CYYR1: variants seen among roughly 807,000 people sequenced by gnomAD.
The protein encoded by CYYR1 is cysteine and tyrosine rich 1, also known as cysteine and tyrosine-rich protein 1.
In CYYR1, 14 loss-of-function variants were observed where a neutral mutation model predicts 15.2. The observed-to-expected ratio is 0.92, with a 90% CI of 0.61 to 1.44. CYYR1 has a LOEUF of 1.44. Ranked by LOEUF, CYYR1 falls within the 40% of genes most tolerant of loss-of-function variation. The probability of loss-of-function intolerance (pLI) is 0.00; values close to 1 mark genes in which losing one functional copy is unlikely to be tolerated. For missense variants in CYYR1, 228 were observed against 209.5 expected, an observed-to-expected ratio of 1.09 and a Z score of -0.54; for synonymous variants, 80 against 77.4, an observed-to-expected ratio of 1.03 and a Z score of -0.18.
intron 2 of CYYR1, among the ~76,000 whole-genome samples, chr21:26,489,884 A>G (rs1209285423): frequency 6.6e-6 from 1 of 152,192 alleles, no homozygotes; most frequent in Non-Finnish European, 1.5e-5. Context: ...CCTTTACATG[A>G]GGGAGAAACA....
intron 2 of CYYR1, among the ~76,000 whole-genome samples, chr21:26,505,451 C>G (rs1339717283): frequency 2.0e-5 from 3 of 152,184 alleles, no homozygotes; most frequent in African/African-American, 7.2e-5. Flanking sequence ...CCACATTTCA[C>G]AGTGTGACTG....
At chr21:26,549,658 A>G (rs1160287681) in intron 2 of CYYR1, among the ~76,000 whole-genome samples, 1 of 152,128 alleles carries the variant, frequency 6.6e-6, no homozygotes, top group Non-Finnish European at 1.5e-5. Flanking sequence ...AAAAGTGTAG[A>G]GTGTGGGCCA....
chr21:26,491,855 A>G (rs1366909078), intron 2 of CYYR1, among the ~76,000 whole-genome samples: 2 of 152,114 alleles, frequency 1.3e-5, no homozygotes, highest in African/African-American at 4.8e-5. Context: ...GCAAGTTCCC[A>G]TTCTCTGTTG....
At chr21:26,547,973 C>A (rs1468432369) in intron 2 of CYYR1, among the ~76,000 whole-genome samples, 1 of 152,162 alleles carries the variant, frequency 6.6e-6, no homozygotes, top group Non-Finnish European at 1.5e-5. Flanking sequence ...AGTATTAATT[C>A]ATTTAAACCT....
At chr21:26,562,727 AACACACACAC>A (rs58990363) in intron 2 of CYYR1, among the ~76,000 whole-genome samples, 6 of 131,700 alleles carry the variant, frequency 4.6e-5, no homozygotes, top group East Asian at 4.8e-4. Context: ...TCTCCTCCTA[AACACACACAC>A]ACACACACAC....
intron 2 of CYYR1, among the ~76,000 whole-genome samples, chr21:26,544,528 A>T (rs1469957940): frequency 6.6e-6 from 1 of 152,194 alleles, no homozygotes; most frequent in Non-Finnish European, 1.5e-5. Flanking sequence ...CTACCATAAG[A>T]ATGCCGTGTT....
intron 2 of CYYR1, among the ~76,000 whole-genome samples, chr21:26,497,791 C>T (rs2065427877): frequency 6.6e-6 from 1 of 151,900 alleles, no homozygotes; most frequent in Non-Finnish European, 1.5e-5. Context: ...GAATCAAAGC[C>T]CCTCTGTTAT....
At chr21:26,537,309 C>G (rs540263349) in intron 2 of CYYR1, among the ~76,000 whole-genome samples, 1 of 152,220 alleles carries the variant, frequency 6.6e-6, no homozygotes, top group South Asian at 2.1e-4. Flanking sequence ...CTTTACCTAT[C>G]CTGTTCTTTC....
chr21:26,484,610 T>C (rs1051147631), intron 2 of CYYR1, among the ~76,000 whole-genome samples: 1 of 152,118 alleles, frequency 6.6e-6, no homozygotes, highest in African/African-American at 2.4e-5. Context: ...ACTTCCTTTA[T>C]TGTAAGTTTC....
chr21:26,511,345 C>T (rs2065645515), intron 2 of CYYR1, among the ~76,000 whole-genome samples: 1 of 152,186 alleles, frequency 6.6e-6, no homozygotes, highest in Non-Finnish European at 1.5e-5. Flanking sequence ...GTAACCAACA[C>T]ATAAAAACCT....
At chr21:26,476,332 C>T (rs1200589119) in intron 3 of CYYR1, among the ~76,000 whole-genome samples, 3 of 152,028 alleles carry the variant, frequency 2.0e-5, no homozygotes, top group African/African-American at 4.8e-5. Flanking sequence ...CTTTAGTAAC[C>T]GTAAAGTTAC....
intron 2 of CYYR1, among the ~76,000 whole-genome samples, chr21:26,486,672 A>G (rs1251120635): frequency 1.3e-5 from 2 of 152,000 alleles, no homozygotes; most frequent in Non-Finnish European, 2.9e-5. Context: ...TATTAAATGT[A>G]TCTATGGTGG....
chr21:26,552,960 T>G (rs944562398), intron 2 of CYYR1, among the ~76,000 whole-genome samples: 45 of 152,286 alleles, frequency 3.0e-4, no homozygotes, highest in African/African-American at 9.4e-4. Flanking sequence ...GATTTTTTAC[T>G]CTTCTTTTTC....
chr21:26,509,552 G>A (rs1015010659), intron 2 of CYYR1, among the ~76,000 whole-genome samples: 2 of 152,172 alleles, frequency 1.3e-5, no homozygotes, highest in Non-Finnish European at 2.9e-5. Flanking sequence ...AATAAGCTGA[G>A]CTTATGCTGC....
At position 26,477,880 on chromosome 21, in the gene CYYR1, A is replaced by G; in HGVS notation, c.334+2392T>C. The G allele has an allele frequency of 3.1e-6, 4 of 1,277,804 alleles. 1 individual carries two copies. The Middle Eastern group carries it at 8.3e-4, about 266-fold the overall frequency. 79.2% of individuals were successfully genotyped at this position (1,277,804 alleles called of 1,614,324 possible). ...TTTTTCCTTATATTCCAACATCTTT[A>G]CAGTAACCCTACCAATATTCTTGCA... On this transcript the variant is annotated intron_variant, in intron 3 of 3. Transcript: ENST00000652641.
At chr21:26,520,237 A>G (rs1484703079) in intron 2 of CYYR1, among the ~76,000 whole-genome samples, 1 of 123,348 alleles carries the variant, frequency 8.1e-6, no homozygotes. Flanking sequence ...CTCAACCCCT[A>G]CCCCCCAACA....
intron 2 of CYYR1, among the ~76,000 whole-genome samples, chr21:26,556,377 T>C (rs544643987): frequency 3.3e-5 from 5 of 152,230 alleles, no homozygotes; most frequent in African/African-American, 1.2e-4. Context: ...TAGCTTCTCG[T>C]CCTCTTAGGT....
At chr21:26,468,667 T>C in intron 3 of CYYR1, 33 bp from the exon 4 acceptor site, 7 of 1,496,500 alleles carry the variant, frequency 4.7e-6, no homozygotes, top group Non-Finnish European at 6.4e-6. Flanking sequence ...CATCAAGGAG[T>C]TAGCAAATAT....
chr21:26,488,553 A>G (rs1318049202), intron 2 of CYYR1, among the ~76,000 whole-genome samples: 1 of 152,068 alleles, frequency 6.6e-6, no homozygotes, highest in African/African-American at 2.4e-5. Context: ...ATGCCTGGCG[A>G]GTACTACATC....
Sources: gnomAD v4.1 joint callset for allele counts (sites outside exome capture counted in the v4.1 genomes callset) on GRCh38, gnomAD v4.1.1 for gene constraint, MANE v1.5 for transcripts, NCBI Gene and HGNC (gene_info 2026-07-23, HGNC 2026-07-21) for gene names.